The following HERC3 variants were observed in gnomAD, a reference collection of about 807,000 sequenced individuals.
HERC3 encodes HECT and RLD domain containing E3 ubiquitin protein ligase 3, also known as probable E3 ubiquitin-protein ligase HERC3.
HERC3 carries 58 observed loss-of-function variants against 129.9 expected under a neutral mutation model. The observed-to-expected ratio is 0.45, with a 90% CI of 0.36 to 0.56. The LOEUF is 0.56. Among genes scored for constraint, HERC3 ranks in the 20% least tolerant of loss-of-function variants. The pLI is 0.00. For synonymous variants in HERC3, 430 were observed against 451.0 expected, an observed-to-expected ratio of 0.95 and a Z score of 0.59; for missense variants, 835 against 1,244.2, an observed-to-expected ratio of 0.67 and a Z score of 4.95.
chr4:88,697,279 G>GCCTCCT (rs751115157), intron 23 of HERC3: 19 of 1,594,128 alleles, frequency 1.2e-5, no homozygotes, highest in East Asian at 2.2e-5. Flanking sequence ...CTCTGCCGCA[G>GCCTCCT]CCTCCTCCTC....
At chr4:88,632,130 T>C (rs1726842277) in intron 3 of HERC3, among the ~76,000 whole-genome samples, 2 of 152,324 alleles carry the variant, frequency 1.3e-5, no homozygotes, top group African/African-American at 4.8e-5. Context: ...AGAGAGCCCA[T>C]GAATGCAACT....
intron 3 of HERC3, among the ~76,000 whole-genome samples, chr4:88,646,785 A>G (rs549518600): frequency 6.6e-6 from 1 of 152,286 alleles, no homozygotes; most frequent in African/African-American, 2.4e-5. Flanking sequence ...ACAGTGACAG[A>G]TCTCCAGCCT....
chr4:88,572,234 G>T, the HERC3 span, among the ~76,000 whole-genome samples: 1 of 151,828 alleles, frequency 6.6e-6, no homozygotes, highest in Non-Finnish European at 1.5e-5. Flanking sequence ...GACCAGCCCA[G>T]ACAACACAGT....
chr4:88,592,261 C>T (rs1243839749), upstream of HERC3, among the ~76,000 whole-genome samples: 3 of 152,220 alleles, frequency 2.0e-5, no homozygotes, highest in East Asian at 3.9e-4. Flanking sequence ...GCTGTCCCCG[C>T]GCCGGGCCCT....
chr4:88,598,622 A>G (rs1722655128), intron 2 of HERC3, among the ~76,000 whole-genome samples: 1 of 152,230 alleles, frequency 6.6e-6, no homozygotes, highest in South Asian at 2.1e-4. Flanking sequence ...ACTACATGCC[A>G]GGCACCATGC....
At chr4:88,619,007 G>A (rs549715298) in intron 3 of HERC3, among the ~76,000 whole-genome samples, 3 of 152,298 alleles carry the variant, frequency 2.0e-5, no homozygotes, top group African/African-American at 7.2e-5. Flanking sequence ...TGTGGATGGA[G>A]TTAACCCATA....
At chr4:88,548,896 C>T in the HERC3 span, among the ~76,000 whole-genome samples, 13 of 152,030 alleles carry the variant, frequency 8.6e-5, no homozygotes, top group Non-Finnish European at 1.9e-4. Context: ...CTCCTGACCT[C>T]GTGATCCGCC....
Position 88,681,203 on chromosome 4 carries a change from T to C in HERC3, c.2385T>C (p.Cys795=). 1.2e-6 allele frequency: 2 copies of C among 1,614,092 alleles called. No homozygotes were observed. Among genetic ancestry groups the C allele is most frequent in the Non-Finnish European group, 1.7e-6 (2 of 1,179,948 alleles). ...GGTTTCACTTGATTGGTATAACCTG[T>C]GGACTAGCTATCTACAACTCCACTG... is the stretch of plus-strand genomic sequence containing the variant. ...HNWFHLIGIT[C]GLAIYNSTVV... The change falls in exon 21 of 26, where the codon TGT becomes TGC. Residue 795 remains cysteine (C), a synonymous_variant. Coordinates refer to ENST00000402738, the MANE Select transcript of HERC3 (RefSeq NM_014606.3).
At chr4:88,649,417 T>TG (rs990220733) in intron 3 of HERC3, among the ~76,000 whole-genome samples, 6 of 152,078 alleles carry the variant, frequency 3.9e-5, no homozygotes, top group Non-Finnish European at 7.4e-5. Flanking sequence ...TGTTTGTATG[T>TG]GGGGGGAGAG....
At chr4:88,585,415 A>T in the HERC3 span, among the ~76,000 whole-genome samples, 2 of 152,176 alleles carry the variant, frequency 1.3e-5, no homozygotes, top group Non-Finnish European at 2.9e-5. Context: ...ACCATGATGG[A>T]TAATATAAAT....
upstream of HERC3, among the ~76,000 whole-genome samples, chr4:88,588,092 A>T (rs1445560102): frequency 6.6e-6 from 1 of 152,266 alleles, no homozygotes; most frequent in Non-Finnish European, 1.5e-5. Context: ...TATGAAAACA[A>T]TGAGTTTCTC....
chr4:88,662,440 C>T lies in HERC3; in HGVS notation c.1156C>T (p.Pro386Ser), dbSNP rs1247646350. 8 of 1,608,096 alleles carry T rather than the reference C, an allele frequency of 5.0e-6. No homozygotes were observed. Among genetic ancestry groups the T allele is most frequent in the Non-Finnish European group, 3.4e-6 (4 of 1,178,102 alleles). ...ACATTTAATTCTCCAGAATTATTCTCCTGCTGTTGACTTCAGGACTATGAA... is the reference window on the plus strand; with the variant it reads ...ACATTTAATTCTCCAGAATTATTCTTCTGCTGTTGACTTCAGGACTATGAA... ...VLCSKYENYS[P>S]AVDFRTMNQA... The change falls in exon 11 of 26, where the codon CCT becomes TCT. Residue 386 changes from proline to serine, a missense_variant. By Grantham distance (74) the Pro-to-Ser change is moderately conservative (BLOSUM62 -1). Coordinates refer to ENST00000402738, the MANE Select transcript of HERC3 (RefSeq NM_014606.3).
chr4:88,651,887 CTTAAAAAGA>C, intron 4 of HERC3, 116 bp from the exon 5 acceptor site: 1 of 758,514 alleles, frequency 1.3e-6, no homozygotes. Flanking sequence ...TGTGCCTGGC[CTTAAAAAGA>C]CTTTTAGGCA....
At chr4:88,568,120 C>T in the HERC3 span, among the ~76,000 whole-genome samples, 1 of 152,234 alleles carries the variant, frequency 6.6e-6, no homozygotes, top group Non-Finnish European at 1.5e-5. Flanking sequence ...TCTTCCCTTA[C>T]TTTCCCCAGA....
intron 3 of HERC3, among the ~76,000 whole-genome samples, chr4:88,646,720 A>C (rs1240208484): frequency 1.3e-5 from 2 of 152,198 alleles, no homozygotes; most frequent in African/African-American, 2.4e-5. Context: ...TGAGGCATTC[A>C]TCAGCACACT....
intron 6 of HERC3, 104 bp downstream of exon 6, chr4:88,653,194 G>A: frequency 8.9e-7 from 1 of 1,121,676 alleles, no homozygotes; most frequent in Non-Finnish European, 1.3e-6. Flanking sequence ...AGATACTAAG[G>A]GAGAAGCAGT....
chr4:88,688,180 G>A (rs1733683378), intron 23 of HERC3, among the ~76,000 whole-genome samples: 1 of 152,170 alleles, frequency 6.6e-6, no homozygotes, highest in African/African-American at 2.4e-5. Flanking sequence ...GCAAGTTGGA[G>A]GAAACATTTT....
At chr4:88,612,556 A>G (rs994630126) in intron 3 of HERC3, among the ~76,000 whole-genome samples, 4 of 152,170 alleles carry the variant, frequency 2.6e-5, no homozygotes, top group Middle Eastern at 3.4e-3. Context: ...AAAAAAAAGT[A>G]TTGGATTATA....
At chr4:88,651,380 T>G (rs1432568643) in intron 4 of HERC3, among the ~76,000 whole-genome samples, 1 of 152,222 alleles carries the variant, frequency 6.6e-6, no homozygotes, top group Non-Finnish European at 1.5e-5. Flanking sequence ...GTAACATAGC[T>G]TTGATGTCAA....
Sources: allele counts gnomAD v4.1 joint callset (sites outside exome capture counted in the v4.1 genomes callset), GRCh38; gene constraint gnomAD v4.1.1; transcripts MANE v1.5; gene names NCBI Gene and HGNC (gene_info 2026-07-23, HGNC 2026-07-21).